The following UMPS variants were observed in gnomAD, a reference collection of about 807,000 sequenced individuals.
The protein encoded by UMPS is uridine monophosphate synthetase, also known as uridine 5'-monophosphate synthase.
A neutral mutation model predicts 38.9 loss-of-function variants in UMPS; 21 were observed. The ratio of observed to expected loss-of-function variants is 0.54; its 90% confidence interval spans 0.38 to 0.78. UMPS has a LOEUF of 0.78. Among genes scored for constraint, UMPS ranks in the 30% least tolerant of loss-of-function variants. The probability of loss-of-function intolerance (pLI) is 0.00; values close to 1 mark genes in which losing one functional copy is unlikely to be tolerated. For missense variants in UMPS, 533 were observed against 591.6 expected (o/e 0.90, Z 1.03); for synonymous variants, 208 against 219.3 (o/e 0.95, Z 0.45).
intron 2 of UMPS, 106 bp downstream of exon 2, chr3:124,735,352 C>A: frequency 9.3e-7 from 1 of 1,073,704 alleles, no homozygotes. Flanking sequence ...ATCTTGAGTT[C>A]TTTAAGTTGT....
Position 124,743,965 on chromosome 3 carries a change from C to T in UMPS, c.1324C>T (p.Arg442Ter), listed in dbSNP as rs373623358. ...YNSPQEVIGK[R>*]GSDIIIVGRG... The stretch of plus-strand genomic sequence containing the variant: ...TAGCCCACAAGAAGTTATTGGCAAA[C>T]GAGGTTCCGATATCATCATTGTAGG... Residue 442 changes from arginine (R) to a stop codon, truncating the protein, a stop_gained, in exon 6 of 6, where the codon CGA (arginine) becomes TGA (stop). Transcript: ENST00000232607. LOFTEE classifies it high-confidence loss of function. 32 of 1,614,028 alleles carry T rather than the reference C, an allele frequency of 2.0e-5. No homozygotes were observed. Among genetic ancestry groups the T allele is most frequent in the African/African-American group, 4.0e-5 (3 of 74,916 alleles).
Position 124,745,029 on chromosome 3 carries a change from G to T in UMPS, c.*945G>T. On this transcript the variant is annotated 3_prime_UTR_variant, in exon 6 of 6. Transcript: ENST00000232607. ...TTTTTTCCCCTAGCCAGCAATTATGGACCAGTAGTAACACAAGTGACAGCT... is the reference window on the plus strand; with the variant it reads ...TTTTTTCCCCTAGCCAGCAATTATGTACCAGTAGTAACACAAGTGACAGCT... 2.2e-6 allele frequency: 1 copy of T among 454,092 alleles called. No homozygotes were observed. 28.1% of individuals were successfully genotyped at this position (454,092 alleles called of 1,614,324 possible).
intron 1 of UMPS, among the ~76,000 whole-genome samples, chr3:124,734,149 C>G (rs2063500022): frequency 6.6e-6 from 1 of 151,932 alleles, no homozygotes; most frequent in South Asian, 2.1e-4. Flanking sequence ...ATTACATTCT[C>G]TGCAACTTAA....
chr3:124,738,034 T>A lies in UMPS; in HGVS notation c.777T>A (p.Asp259Glu), dbSNP rs1364888051. The change falls in exon 3 of 6, where the codon GAT becomes GAA. Residue 259 changes from aspartate (D) to glutamate (E), a missense_variant. By Grantham distance (45) the Asp-to-Glu change is conservative (BLOSUM62 2). Transcript: ENST00000232607. ...AGACCAATCTGTGTCTATCTGCTGA[T>A]GTTTCACTGGCCAGAGAGCTGTTGC... ...KKETNLCLSA[D>E]VSLARELLQL... The A allele has an allele frequency of 1.9e-6, 3 of 1,614,142 alleles. No individual in the cohort carries two copies. The highest frequency in any genetic ancestry group is 2.5e-6 in the Non-Finnish European group (3 of 1,180,050).
chr3:124,742,959 A>G (rs2063566774), intron 5 of UMPS, among the ~76,000 whole-genome samples: 1 of 152,198 alleles, frequency 6.6e-6, no homozygotes, highest in Non-Finnish European at 1.5e-5. Context: ...CAGATGATCT[A>G]AAATTTGACA....
chr3:124,742,298 A>G, intron 5 of UMPS, 32 bp downstream of exon 5: 1 of 1,527,454 alleles, frequency 6.5e-7, no homozygotes. Context: ...GGCTCTTCCA[A>G]AAATGCTTCT....
intron 1 of UMPS, among the ~76,000 whole-genome samples, chr3:124,731,317 A>G (rs530812661): frequency 6.6e-6 from 1 of 152,148 alleles, no homozygotes; most frequent in Non-Finnish European, 1.5e-5. Flanking sequence ...GATGTATACA[A>G]AATTTATCAG....
chr3:124,730,661 G>A, intron 1 of UMPS, 34 bp downstream of exon 1: 2 of 1,604,106 alleles, frequency 1.2e-6, no homozygotes, highest in Non-Finnish European at 1.7e-6. Flanking sequence ...ACAGGGCTTG[G>A]TGGCGGGAAG....
chr3:124,740,799 A>C (rs1451981108), intron 4 of UMPS, among the ~76,000 whole-genome samples: 1 of 152,144 alleles, frequency 6.6e-6, no homozygotes, highest in African/African-American at 2.4e-5. Flanking sequence ...ATGAAAAAGA[A>C]AATAACCAGG....
At position 124,748,702 on chromosome 3, in the gene UMPS, T is replaced by C. The variant is rs757160764; in HGVS notation, c.*4618T>C. ...AGCAGAGGAGGTCTGTGTCATGTTT[T>C]TCAGCGCTGGGGTTGGGGGGAGCCC... On this transcript the variant is annotated 3_prime_UTR_variant, in exon 6 of 6. Transcript: ENST00000232607. 4.4e-6 allele frequency: 2 copies of C among 452,132 alleles called. No individual in the cohort carries two copies. The highest frequency in any genetic ancestry group is 1.6e-5 in the South Asian group (1 of 64,100). 28.0% of individuals were successfully genotyped at this position (452,132 alleles called of 1,614,324 possible).
In UMPS at chr3:124,746,968, A is replaced by G. The variant is rs139426908; in HGVS notation, c.*2884A>G. On this transcript the variant is annotated 3_prime_UTR_variant, in exon 6 of 6. Transcript: ENST00000232607. ...ACCCTTGTGCTACTGAGTCAGCTCTAAGAAAATCTGCCAAAAGTAGGCCGA... is the reference window on the plus strand; with the variant it reads ...ACCCTTGTGCTACTGAGTCAGCTCTGAGAAAATCTGCCAAAAGTAGGCCGA... The G allele has an allele frequency of 0.012, 5,350 of 454,030 alleles. 82 individuals carry two copies. The highest frequency in any genetic ancestry group is 0.036 in the Admixed American group (1,544 of 42,566). 28.1% of individuals were successfully genotyped at this position (454,030 alleles called of 1,614,324 possible).
chr3:124,736,386 C>T (rs1281004622), intron 2 of UMPS, among the ~76,000 whole-genome samples: 1 of 151,908 alleles, frequency 6.6e-6, no homozygotes, highest in Non-Finnish European at 1.5e-5. Flanking sequence ...TCTACAGATG[C>T]ATTCTGAAAA....
chr3:124,746,672 T>G lies in UMPS; in HGVS notation c.*2588T>G. ...ATGTCTCCATGGGGTGCACAGAATGTCTGTGAGACTGATGGAGTGGAGAAC... is the reference window on the plus strand; with the variant it reads ...ATGTCTCCATGGGGTGCACAGAATGGCTGTGAGACTGATGGAGTGGAGAAC... On this transcript the variant is annotated 3_prime_UTR_variant, in exon 6 of 6. Coordinates refer to ENST00000232607, the MANE Select transcript of UMPS (RefSeq NM_000373.4). 2.2e-6 allele frequency: 1 copy of G among 453,768 alleles called. No individual in the cohort carries two copies. Among genetic ancestry groups the G allele is most frequent in the Non-Finnish European group, 4.4e-6 (1 of 226,616 alleles). The allele number at this position is 453,768 out of a possible 1,614,324, so 28.1% of individuals were successfully genotyped here.
Position 124,738,140 on chromosome 3 carries a change from A to G in UMPS, c.883A>G (p.Met295Val). 1 of 1,614,214 alleles carries G rather than the reference A, an allele frequency of 6.2e-7. No individual in the cohort carries two copies. The highest frequency in any genetic ancestry group is 8.5e-7 in the Non-Finnish European group (1 of 1,180,048). Residue 295 changes from methionine (M) to valine (V), a missense_variant, in exon 3 of 6, where the codon ATG becomes GTG. Coordinates refer to ENST00000232607, the MANE Select transcript of UMPS (RefSeq NM_000373.4). ...TTTGAATGATTTTACTCTGGATGTG[A>G]TGAAGGAGTTGATAACTCTGGCAAA... is the stretch of plus-strand genomic sequence containing the variant. ...DILNDFTLDV[M>V]KELITLAKCH...
At chr3:124,743,525 C>G (rs1230184508) in intron 5 of UMPS, among the ~76,000 whole-genome samples, 1 of 151,690 alleles carries the variant, frequency 6.6e-6, no homozygotes, top group Non-Finnish European at 1.5e-5. Context: ...GTAGTCCCAG[C>G]TACTCGGGAG....
chr3:124,740,234 G>A (rs370504249), intron 4 of UMPS, 35 bp downstream of exon 4: 42 of 1,574,266 alleles, frequency 2.7e-5, no homozygotes, highest in Non-Finnish European at 3.1e-5. Context: ...GAGGGGGCAG[G>A]GGCTGCTATG....
chr3:124,731,032 CCAGCCTGGG>C (rs2150889850), intron 1 of UMPS, among the ~76,000 whole-genome samples: 1 of 152,246 alleles, frequency 6.6e-6, no homozygotes, highest in East Asian at 1.9e-4. Context: ...GAGTTCGAGA[CCAGCCTGGG>C]CAACATGACG....
chr3:124,732,552 TA>T, intron 1 of UMPS: 1 of 154,828 alleles, frequency 6.5e-6, no homozygotes, highest in East Asian at 1.9e-4. Flanking sequence ...TAGAGGGCCG[TA>T]AATATGCTTT....
chr3:124,746,796 T>TGTGTGC lies in UMPS; in HGVS notation c.*2713_*2714insTGTGCG, dbSNP rs776953343. On this transcript the variant is annotated 3_prime_UTR_variant, in exon 6 of 6. Transcript: ENST00000232607. ...GTGTGTGTGTGTGTGTGTGTGTGTG[T>TGTGTGC]GCATGCGCGCGCGTGCGCACTGGAG... is the stretch of plus-strand genomic sequence containing the variant. 15 of 439,778 alleles carry TGTGTGC rather than the reference T, an allele frequency of 3.4e-5. No homozygotes were observed. The highest frequency in any genetic ancestry group is 1.5e-4 in the African/African-American group (7 of 47,318). The allele number at this position is 439,778 out of a possible 1,614,324, so 27.2% of individuals were successfully genotyped here.
Sources: allele counts gnomAD v4.1 joint callset (sites outside exome capture counted in the v4.1 genomes callset), GRCh38; gene constraint gnomAD v4.1.1; transcripts MANE v1.5; gene names NCBI Gene and HGNC (gene_info 2026-07-23, HGNC 2026-07-21).